Variants in FBXL13 observed in about 807,000 individuals in gnomAD.
The protein encoded by FBXL13 is F-box and leucine rich repeat protein 13.
In FBXL13, 67 loss-of-function variants were observed where a neutral mutation model predicts 83.6. That is an observed-to-expected ratio of 0.80 (90% CI 0.66 to 0.98). FBXL13 has a LOEUF of 0.98. Among genes scored for constraint, FBXL13 ranks in the 50% least tolerant of loss-of-function variants. The pLI is 0.00. For missense variants in FBXL13, 822 were observed against 866.5 expected, an observed-to-expected ratio of 0.95 and a Z score of 0.64; for synonymous variants, 272 against 299.5, an observed-to-expected ratio of 0.91 and a Z score of 0.95.
At chr7:102,980,383 TG>T (rs979113527) in intron 6 of FBXL13, among the ~76,000 whole-genome samples, 1 of 152,220 alleles carries the variant, frequency 6.6e-6, no homozygotes, top group Non-Finnish European at 1.5e-5. Flanking sequence ...TAAATGGGAC[TG>T]GGACAACTGG....
Position 103,024,833 on chromosome 7 carries a change from GTATA to G in FBXL13, c.495+226_495+229del, listed in dbSNP as rs1232363692. On this transcript the variant is annotated intron_variant, in intron 6 of 19. Transcript: ENST00000313221. ...CATACATATATATGTATATATATGT[GTATA>G]TATATATATATATATATATATTTTT... 1.7e-3 allele frequency among the ~76,000 whole-genome samples: 167 copies of G among 95,950 alleles called. 3 individuals are homozygous for G. Among genetic ancestry groups the G allele is most frequent in the South Asian group, 4.6e-3 (12 of 2,596 alleles). The allele number at this position is 95,950 out of a possible 152,430, so 62.9% of individuals were successfully genotyped here.
At chr7:102,971,155 G>A (rs564131395) in intron 6 of FBXL13, among the ~76,000 whole-genome samples, 25 of 152,240 alleles carry the variant, frequency 1.6e-4, no homozygotes, top group Admixed American at 7.8e-4. Context: ...ACTGCAAAAG[G>A]CCAAAGCACA....
At position 102,926,257 on chromosome 7, in the gene FBXL13, A is replaced by G. The variant is rs753805921; in HGVS notation, c.878+17T>C. 2 of 1,607,918 alleles carry G rather than the reference A, an allele frequency of 1.2e-6. No individual in the cohort carries two copies. The highest frequency in any genetic ancestry group is 1.7e-6 in the Non-Finnish European group (2 of 1,176,408). On this transcript the variant is annotated intron_variant, in intron 10 of 19. Transcript: ENST00000313221. ...GCATAATTTTTTTCAGTGTCATACAAATAACACAAACATTACCTCGGCAGG... is the reference window on the plus strand; with the variant it reads ...GCATAATTTTTTTCAGTGTCATACAGATAACACAAACATTACCTCGGCAGG...
chr7:102,862,629 G>C (rs968867923), intron 16 of FBXL13, among the ~76,000 whole-genome samples: 1 of 152,154 alleles, frequency 6.6e-6, no homozygotes, highest in African/African-American at 2.4e-5. Context: ...AAAGTACTCA[G>C]CTATGAATGT....
chr7:102,973,434 TG>T, intron 6 of FBXL13: 2 of 719,096 alleles, frequency 2.8e-6, no homozygotes, highest in Non-Finnish European at 5.1e-6. Flanking sequence ...TACATCAGAC[TG>T]GGACAATTCC....
intron 16 of FBXL13, among the ~76,000 whole-genome samples, chr7:102,865,855 A>G (rs537062814): frequency 6.6e-6 from 1 of 151,758 alleles, no homozygotes; most frequent in Non-Finnish European, 1.5e-5. Flanking sequence ...ATTTTATTTT[A>G]CTTTTTAAGA....
At chr7:102,925,540 G>A (rs765758889) in intron 10 of FBXL13, among the ~76,000 whole-genome samples, 1 of 152,186 alleles carries the variant, frequency 6.6e-6, no homozygotes, top group Non-Finnish European at 1.5e-5. Flanking sequence ...AACAAGCAGT[G>A]TCAAGCTCCC....
At chr7:102,849,737 G>A (rs1382495973) in intron 17 of FBXL13, among the ~76,000 whole-genome samples, 1 of 152,180 alleles carries the variant, frequency 6.6e-6, no homozygotes, top group Non-Finnish European at 1.5e-5. Context: ...TGGGCTGGAG[G>A]AGGCAAGGGG....
At chr7:102,998,908 C>T (rs934908726) in intron 6 of FBXL13, among the ~76,000 whole-genome samples, 1 of 152,060 alleles carries the variant, frequency 6.6e-6, no homozygotes, top group Non-Finnish European at 1.5e-5. Context: ...TTTGGATACC[C>T]TTTCTTTCTT....
intron 7 of FBXL13, among the ~76,000 whole-genome samples, chr7:102,967,267 T>TC (rs1826074617): frequency 1.8e-5 from 1 of 54,976 alleles, no homozygotes; most frequent in African/African-American, 5.2e-5. Flanking sequence ...CAATCCTCTC[T>TC]TTCTTTTTTT....
intron 6 of FBXL13, among the ~76,000 whole-genome samples, chr7:103,012,572 G>A (rs978116326): frequency 3.3e-5 from 5 of 152,146 alleles, no homozygotes; most frequent in Middle Eastern, 3.4e-3. Flanking sequence ...CCTAAACAAC[G>A]GAGAAATAAA....
intron 16 of FBXL13, among the ~76,000 whole-genome samples, chr7:102,871,972 A>C (rs1337520304): frequency 2.0e-5 from 3 of 151,966 alleles, no homozygotes; most frequent in Non-Finnish European, 4.4e-5. Flanking sequence ...CAACTCAAAT[A>C]ATCTACCTAA....
At chr7:102,894,837 C>G (rs775986674) in intron 11 of FBXL13, among the ~76,000 whole-genome samples, 1 of 152,014 alleles carries the variant, frequency 6.6e-6, no homozygotes, top group Non-Finnish European at 1.5e-5. Context: ...TCAGACTTGA[C>G]CTTACCAAGA....
intron 17 of FBXL13, among the ~76,000 whole-genome samples, chr7:102,848,040 T>G (rs1205641239): frequency 2.0e-5 from 3 of 152,194 alleles, no homozygotes; most frequent in African/African-American, 7.2e-5. Context: ...TACCTTTACA[T>G]ATATTTGCAT....
In FBXL13 at chr7:102,871,455, G is replaced by A. The variant is rs970172188; in HGVS notation, c.1635+6012C>T. ...GGCTGGAGTGCAGTGGTACAATCTC[G>A]GCTCACTGCAGGCTTGACCTCCCGG... On this transcript the variant is annotated intron_variant, in intron 16 of 19. Coordinates refer to ENST00000313221, the Ensembl canonical transcript of FBXL13. 2.6e-5 allele frequency among the ~76,000 whole-genome samples: 4 copies of A among 151,494 alleles called. No individual in the cohort carries two copies. In the East Asian group the frequency reaches 5.8e-4, roughly 22 times the overall value.
At chr7:102,944,187 C>T (rs1585068250) in intron 8 of FBXL13, 1 of 1,576,484 alleles carries the variant, frequency 6.3e-7, no homozygotes, top group Non-Finnish European at 8.6e-7. Context: ...TACTCAGGCT[C>T]AATAAATATT....
chr7:103,003,198 AT>A (rs1226133165), intron 6 of FBXL13, among the ~76,000 whole-genome samples: 1 of 144,922 alleles, frequency 6.9e-6, no homozygotes, highest in African/African-American at 2.6e-5. Flanking sequence ...CCTCTAATGC[AT>A]TTTTTAGCTC....
chr7:102,972,750 A>T (rs1826871767), intron 6 of FBXL13, among the ~76,000 whole-genome samples: 1 of 151,748 alleles, frequency 6.6e-6, no homozygotes, highest in Admixed American at 6.6e-5. Context: ...GATAATAAAT[A>T]GTATAAAATG....
intron 6 of FBXL13, among the ~76,000 whole-genome samples, chr7:102,979,223 A>G (rs1827887778): frequency 6.6e-6 from 1 of 152,222 alleles, no homozygotes; most frequent in South Asian, 2.1e-4. Context: ...CAAGATTCCA[A>G]GGTGTCAGGA....
Sources: gnomAD v4.1 joint callset for allele counts (sites outside exome capture counted in the v4.1 genomes callset) on GRCh38, gnomAD v4.1.1 for gene constraint, MANE v1.5 for transcripts, NCBI Gene and HGNC (gene_info 2026-07-23, HGNC 2026-07-21) for gene names.